Variants in FGL1 observed in about 807,000 individuals in gnomAD.
FGL1 encodes the protein fibrinogen like 1, also known as fibrinogen-like protein 1.
In FGL1, 59 loss-of-function variants were observed where a neutral mutation model predicts 43.7. The ratio of observed to expected loss-of-function variants is 1.35; its 90% confidence interval spans 1.10 to 1.68. The LOEUF (loss-of-function observed/expected upper bound fraction) is 1.68. Among genes scored for constraint, FGL1 ranks in the 40% most tolerant of loss-of-function variants. The pLI, the probability that FGL1 is intolerant of heterozygous loss-of-function variation, is 0.00. For synonymous variants in FGL1, 192 were observed against 126.5 expected (o/e 1.52, Z -3.48); for missense variants, 596 against 373.0 (o/e 1.60, Z -4.92).
Position 17,868,901 on chromosome 8 carries a change from A to C in FGL1, c.591+15T>G, listed in dbSNP as rs1432679651. The C allele has an allele frequency of 6.4e-7, 1 of 1,567,006 alleles. No homozygotes were observed. The highest frequency in any genetic ancestry group is 8.7e-7 in the Non-Finnish European group (1 of 1,153,962). On this transcript the variant is annotated intron_variant, in intron 6 of 7. Transcript: ENST00000427924. ...GCATTTATTCACGGTTTTACTTCTTAGAAAATTGTAGTACCTTTTCATCTC... is the reference window on the plus strand; with the variant it reads ...GCATTTATTCACGGTTTTACTTCTTCGAAAATTGTAGTACCTTTTCATCTC...
rs1321408036 is a variant in FGL1 at position 17,894,074 on chromosome 8, G to C, written c.-18+1373C>G. Among the ~76,000 whole-genome samples the C allele has an allele frequency of 1.4e-5, 2 of 145,770 alleles. 1 individual carries two copies. Among genetic ancestry groups the C allele is most frequent in the African/African-American group, 5.4e-5 (2 of 36,890 alleles). ...ATTTAAAAAAAATTTAATTAATTAC[G>C]CTGCATTAAATTTAAAGATGAAGAC... On this transcript the variant is annotated intron_variant, in intron 1 of 7. Transcript: ENST00000427924.
intron 1 of FGL1, chr8:17,885,772 T>C (rs2053619058): frequency 1.9e-6 from 1 of 513,222 alleles, no homozygotes; most frequent in Non-Finnish European, 3.5e-6. Flanking sequence ...TTGAATCTGT[T>C]TCATCACAAA....
chr8:17,877,885 T>C (rs2053479807), intron 3 of FGL1, among the ~76,000 whole-genome samples: 1 of 152,180 alleles, frequency 6.6e-6, no homozygotes, highest in Admixed American at 6.5e-5. Context: ...AACAAGGCTA[T>C]AATAATGTCC....
chr8:17,881,319 T>C (rs930969085), intron 3 of FGL1, among the ~76,000 whole-genome samples: 5 of 151,616 alleles, frequency 3.3e-5, no homozygotes, highest in African/African-American at 7.3e-5. Context: ...GTATTTTTAG[T>C]AGAGATGGGG....
chr8:17,864,504 G>T lies in FGL1; in HGVS notation c.*88C>A. 1 of 1,380,856 alleles carries T rather than the reference G, an allele frequency of 7.2e-7. No individual in the cohort carries two copies. The highest frequency in any genetic ancestry group is 1.5e-5 in the South Asian group (1 of 68,232). 85.5% of individuals were successfully genotyped at this position (1,380,856 alleles called of 1,614,324 possible). ...AAGCACTACTCACAACAGTTATCAT[G>T]ATTGCGCATGGATATGTTCAGAATG... is the stretch of plus-strand genomic sequence containing the variant. On this transcript the variant is annotated 3_prime_UTR_variant, in exon 8 of 8. Transcript: ENST00000427924.
intron 5 of FGL1, among the ~76,000 whole-genome samples, chr8:17,869,221 T>TA (rs1328615830): frequency 6.6e-6 from 1 of 152,196 alleles, no homozygotes; most frequent in African/African-American, 2.4e-5. Flanking sequence ...ATATTAAATT[T>TA]AAAAAATGTC....
intron 3 of FGL1, among the ~76,000 whole-genome samples, chr8:17,875,107 A>T (rs543262566): frequency 6.6e-6 from 1 of 152,248 alleles, no homozygotes; most frequent in African/African-American, 2.4e-5. Context: ...ACTACAGGTT[A>T]TCCTGACTTA....
chr8:17,865,448 G>T (rs949259244), intron 7 of FGL1, among the ~76,000 whole-genome samples: 3 of 152,104 alleles, frequency 2.0e-5, no homozygotes, highest in African/African-American at 7.2e-5. Flanking sequence ...TAAATTGCTA[G>T]CCTATCAGTT....
chr8:17,885,800 G>C (rs1032110448), intron 1 of FGL1: 12 of 471,454 alleles, frequency 2.5e-5, no homozygotes, highest in South Asian at 6.2e-5. Context: ...GAAGGACTCT[G>C]GTTCTTTTCG....
In FGL1 at chr8:17,888,039, C is replaced by T. The variant is rs190790337; in HGVS notation, c.-17-2468G>A. ...AGTGATAGAAATAGTAGTCTTAGGC[C>T]CAGTGATAGAAATAGTAATCTTAGG... On this transcript the variant is annotated intron_variant, in intron 1 of 7. Transcript: ENST00000427924. Among the ~76,000 whole-genome samples, 19 of 151,410 alleles carry T rather than the reference C, an allele frequency of 1.3e-4. No individual in the cohort carries two copies. The East Asian group carries it at 3.1e-3, about 25-fold the overall frequency.
rs1159165408 is a variant in FGL1, at chr8:17,874,510, T to A, written c.256A>T (p.Ile86Phe). 1.2e-6 allele frequency: 2 copies of A among 1,604,880 alleles called. No individual in the cohort carries two copies. The highest frequency in any genetic ancestry group is 3.4e-5 in the Admixed American group (2 of 58,366). Residue 86 changes from isoleucine (I) to phenylalanine (F), a missense_variant, in exon 4 of 8, where the codon ATT becomes TTT. Ile to Phe is a conservative substitution (Grantham distance 21). Coordinates refer to ENST00000427924, the MANE Select transcript of FGL1 (RefSeq NM_004467.4). ...CTGAGCTTATACCCATCATTGAAAA[T>A]CTCTGAACAATCTGTTTTTAAAACA... ...SKRQYADCSE[I>F]FNDGYKLSGF...
At chr8:17,872,302 T>TTTATTATTATTATTATTATGATTA (rs10528958) in intron 5 of FGL1, among the ~76,000 whole-genome samples, 1 of 146,798 alleles carries the variant, frequency 6.8e-6, no homozygotes, top group Non-Finnish European at 1.5e-5. Context: ...TCTTAATTAC[T>TTTATTATTATTATTATTATGATTA]TTATTATTAT....
chr8:17,876,693 G>T (rs919681216), intron 3 of FGL1, among the ~76,000 whole-genome samples: 4 of 152,066 alleles, frequency 2.6e-5, no homozygotes, highest in Non-Finnish European at 5.9e-5. Context: ...GAAGCTTTTT[G>T]CTTACATTAA....
At chr8:17,867,039 T>G (rs1274585961) in intron 7 of FGL1, among the ~76,000 whole-genome samples, 1 of 152,204 alleles carries the variant, frequency 6.6e-6, no homozygotes, top group African/African-American at 2.4e-5. Context: ...CCAGTTCCTT[T>G]ATAAATGATC....
rs569392264 is a variant in FGL1, at chr8:17,886,182, G to T, written c.-17-611C>A. ...TCAGGAGGCAAAATCGTTCTCAGAGGGAAAAATGTAATTTCCTTGCTTTAA... is the reference window on the plus strand; with the variant it reads ...TCAGGAGGCAAAATCGTTCTCAGAGTGAAAAATGTAATTTCCTTGCTTTAA... On this transcript the variant is annotated intron_variant, in intron 1 of 7. Transcript: ENST00000427924. Among the ~76,000 whole-genome samples, 8 of 152,224 alleles carry T rather than the reference G, an allele frequency of 5.3e-5. No individual in the cohort carries two copies. In the East Asian group the frequency reaches 1.2e-3, roughly 22 times the overall value.
chr8:17,867,280 T>G (rs1277465925), intron 7 of FGL1, among the ~76,000 whole-genome samples: 1 of 151,990 alleles, frequency 6.6e-6, no homozygotes, highest in African/African-American at 2.4e-5. Context: ...AAAATAAAAT[T>G]TACCAAACTG....
chr8:17,895,008 G>T (rs1463669916), intron 1 of FGL1, among the ~76,000 whole-genome samples: 1 of 151,184 alleles, frequency 6.6e-6, no homozygotes, highest in Non-Finnish European at 1.5e-5. Context: ...TCTGTCTCTT[G>T]ATGTCCTGAA....
intron 1 of FGL1, among the ~76,000 whole-genome samples, chr8:17,887,318 G>C (rs960932519): frequency 6.6e-6 from 1 of 152,184 alleles, no homozygotes; most frequent in African/African-American, 2.4e-5. Flanking sequence ...AATCCCACCA[G>C]TTGGGAAGCC....
intron 1 of FGL1, among the ~76,000 whole-genome samples, chr8:17,892,962 G>C (rs893071886): frequency 6.6e-6 from 1 of 152,224 alleles, no homozygotes; most frequent in African/African-American, 2.4e-5. Context: ...CACGTTGAGA[G>C]GCTGAGGCAG....
Sources: allele counts gnomAD v4.1 joint callset (sites outside exome capture counted in the v4.1 genomes callset), GRCh38; gene constraint gnomAD v4.1.1; transcripts MANE v1.5; gene names NCBI Gene and HGNC (gene_info 2026-07-23, HGNC 2026-07-21).